FBH1: variants seen among roughly 807,000 people sequenced by gnomAD.
The protein encoded by FBH1 is F-box DNA helicase 1.
Under a neutral mutation model 115.5 loss-of-function variants are expected in FBH1, and 43 were observed. The ratio of observed to expected loss-of-function variants is 0.37; its 90% confidence interval spans 0.29 to 0.48. The LOEUF (loss-of-function observed/expected upper bound fraction) is 0.48. Ranked by LOEUF, FBH1 falls within the 20% of genes least tolerant of loss-of-function variation. The pLI is 0.99. For synonymous variants in FBH1, 524 were observed against 507.8 expected, an observed-to-expected ratio of 1.03 and a Z score of -0.43; for missense variants, 1,001 against 1,337.3, an observed-to-expected ratio of 0.75 and a Z score of 3.92.
At position 5,897,683 on chromosome 10, in the gene FBH1, C is replaced by T. The variant is rs574552407; in HGVS notation, c.2-5337C>T. Among the ~76,000 whole-genome samples the T allele has an allele frequency of 7.9e-5, 12 of 152,276 alleles. No homozygotes were observed. The highest frequency in any genetic ancestry group is 2.6e-4 in the African/African-American group (11 of 41,568). ...AGAGGCCAGATCACCAGTCTAAGCG[C>T]CCCTCCCCCGGTACCGAACCTCAGT... is the stretch of plus-strand genomic sequence containing the variant. On this transcript the variant is annotated intron_variant, in intron 1 of 20. Coordinates refer to ENST00000362091, the MANE Select transcript of FBH1 (RefSeq NM_178150.3). The surrounding 1 kb of genome is among the most constrained non-coding windows in gnomAD (Gnocchi z 4.7).
rs772297439 is a variant in FBH1 at position 5,908,921 on chromosome 10, A to G, written c.754-4A>G. ...GTTATTTTGTTTGTTTTTTAACTGC[A>G]TAGTTCATTCCTTGGAAGAAGCTGT... is the stretch of plus-strand genomic sequence containing the variant. On this transcript the variant is annotated splice_polypyrimidine_tract_variant and splice_region_variant and intron_variant, in intron 3 of 20. Transcript: ENST00000362091. 1.6e-5 allele frequency: 26 copies of G among 1,613,804 alleles called. No homozygotes were observed. The South Asian group carries it at 2.7e-4, about 17-fold the overall frequency.
rs528768665 is a variant in FBH1, at chr10:5,897,873, C to T, written c.2-5147C>T. Among the ~76,000 whole-genome samples, 3 of 150,904 alleles carry T rather than the reference C, an allele frequency of 2.0e-5. No individual in the cohort carries two copies. Among genetic ancestry groups the T allele is most frequent in the East Asian group, 4.0e-4 (2 of 5,020 alleles). On this transcript the variant is annotated intron_variant, in intron 1 of 20. Coordinates refer to ENST00000362091, the MANE Select transcript of FBH1 (RefSeq NM_178150.3). The surrounding 1 kb of genome is among the most constrained non-coding windows in gnomAD (Gnocchi z 4.7). ...TCGCAACAAGCATTTTGGATTCAGA[C>T]GTATTTTCTGAGATAAATACATAAA... is the stretch of plus-strand genomic sequence containing the variant.
rs1228963409 is a variant in FBH1, at chr10:5,913,126, G to A, written c.1212-621G>A. Among the ~76,000 whole-genome samples, 1 of 152,046 alleles carries A rather than the reference G, an allele frequency of 6.6e-6. No individual in the cohort carries two copies. Among genetic ancestry groups the A allele is most frequent in the Admixed American group, 6.6e-5 (1 of 15,236 alleles). On this transcript the variant is annotated intron_variant, in intron 6 of 20. Transcript: ENST00000362091. This position sits in a 1 kb window ranked among gnomAD's most constrained non-coding sequence, Gnocchi z 4.4. ...ACGGCGTGTGCCAGCTGAGTCTGAC[G>A]AGTCTGACGATGTCCTGTGCCTCTG...
rs865854916 is a variant in FBH1 at position 5,917,757 on chromosome 10, C to T, written c.1963+81C>T. 6 of 1,036,924 alleles carry T rather than the reference C, an allele frequency of 5.8e-6. No homozygotes were observed. The Middle Eastern group carries it at 1.4e-3, about 241-fold the overall frequency. 64.2% of individuals were successfully genotyped at this position (1,036,924 alleles called of 1,614,324 possible). On this transcript the variant is annotated intron_variant, in intron 12 of 20. Transcript: ENST00000362091. This position sits in a 1 kb window ranked among gnomAD's most constrained non-coding sequence, Gnocchi z 5.6. ...TTATGTAAGAGGACACCTGTGTGAA[C>T]TAAGTTGATTATTATTATTTGTGAT...
intron 1 of FBH1, chr10:5,894,992 T>C (rs905061262): frequency 2.9e-5 from 46 of 1,566,184 alleles, no homozygotes; most frequent in Non-Finnish European, 3.6e-5. Flanking sequence ...TGAATACTTT[T>C]ATGGTGCTGG....
intron 10 of FBH1, among the ~76,000 whole-genome samples, chr10:5,916,859 C>T (rs746276294): frequency 3.9e-5 from 6 of 152,170 alleles, no homozygotes; most frequent in Admixed American, 1.3e-4. Context: ...GTATTTTCTC[C>T]TGTGAAGGAC....
rs187867943 is a variant in FBH1 at position 5,933,043 on chromosome 10, A to G, written c.2830-3413A>G. 6.6e-6 allele frequency among the ~76,000 whole-genome samples: 1 copy of G among 152,008 alleles called. No homozygotes were observed. Among genetic ancestry groups the G allele is most frequent in the African/African-American group, 2.4e-5 (1 of 41,386 alleles). ...AGTGTGACTTTTCTAGATGTTGCCAATTTTTTCATGGAGATTGTTATCACT... is the reference window on the plus strand; with the variant it reads ...AGTGTGACTTTTCTAGATGTTGCCAGTTTTTTCATGGAGATTGTTATCACT... On this transcript the variant is annotated intron_variant, in intron 19 of 20. Coordinates refer to ENST00000362091, the MANE Select transcript of FBH1 (RefSeq NM_178150.3). The surrounding 1 kb of genome is among the most constrained non-coding windows in gnomAD (Gnocchi z 4.9).
chr10:5,925,515 C>G lies in FBH1; in HGVS notation c.2722+23C>G. ...TTGGTAAGAGGCCGCCGGGTAGTGT[C>G]AGGTGCTGCTGTATGTAGTGAGTGG... On this transcript the variant is annotated intron_variant, in intron 18 of 20. Transcript: ENST00000362091. The surrounding 1 kb of genome is among the most constrained non-coding windows in gnomAD (Gnocchi z 4.6). The G allele has an allele frequency of 6.2e-7, 1 of 1,612,584 alleles. No individual in the cohort carries two copies. The highest frequency in any genetic ancestry group is 1.1e-5 in the South Asian group (1 of 90,934).
Position 5,913,891 on chromosome 10 carries a change from C to A in FBH1, c.1304+52C>A, listed in dbSNP as rs751384411. On this transcript the variant is annotated intron_variant, in intron 7 of 20. Coordinates refer to ENST00000362091, the MANE Select transcript of FBH1 (RefSeq NM_178150.3). This position sits in a 1 kb window ranked among gnomAD's most constrained non-coding sequence, Gnocchi z 4.4. The stretch of plus-strand genomic sequence containing the variant: ...GTTTTGTCTTCTGTCGACTCTTCCT[C>A]ATACTTAAGGAGGGAGATGTTTTGC... 1 of 1,367,490 alleles carries A rather than the reference C, an allele frequency of 7.3e-7. No individual in the cohort carries two copies. Among genetic ancestry groups the A allele is most frequent in the Admixed American group, 2.1e-5 (1 of 48,544 alleles). The allele number at this position is 1,367,490 out of a possible 1,614,324, so 84.7% of individuals were successfully genotyped here.
chr10:5,907,358 G>A (rs1843762655), intron 3 of FBH1, among the ~76,000 whole-genome samples: 1 of 151,632 alleles, frequency 6.6e-6, no homozygotes, highest in Non-Finnish European at 1.5e-5. Context: ...CATTTCATAA[G>A]TTTTGGTATG....
chr10:5,930,737 A>G (rs1179257401), intron 19 of FBH1, among the ~76,000 whole-genome samples: 1 of 152,180 alleles, frequency 6.6e-6, no homozygotes, highest in African/African-American at 2.4e-5. Context: ...GATAATCCCA[A>G]TCCCAGTTTT....
At chr10:5,891,245 T>C (rs1842705929) in intron 1 of FBH1, 1 of 904,238 alleles carries the variant, frequency 1.1e-6, no homozygotes, top group Non-Finnish European at 1.3e-6. Flanking sequence ...TAAGTCCGTT[T>C]TACTCATGAG....
At position 5,910,840 on chromosome 10, in the gene FBH1, T is replaced by A. The variant is rs1259425323; in HGVS notation, c.1021-98T>A. 1 of 1,032,862 alleles carries A rather than the reference T, an allele frequency of 9.7e-7. No homozygotes were observed. Among genetic ancestry groups the A allele is most frequent in the Non-Finnish European group, 1.4e-6 (1 of 715,888 alleles). 64.0% of individuals were successfully genotyped at this position (1,032,862 alleles called of 1,614,324 possible). On this transcript the variant is annotated intron_variant, in intron 5 of 20. Transcript: ENST00000362091. This position sits in a 1 kb window ranked among gnomAD's most constrained non-coding sequence, Gnocchi z 4.8. ...GTCCAGACAGTCTGTAGCCAGCAGC[T>A]GGACCCGTGGCTCGGCTTTCCTGAC...
chr10:5,924,346 T>C lies in FBH1; in HGVS notation c.2434T>C (p.Trp812Arg). The C allele has an allele frequency of 1.9e-6, 3 of 1,614,120 alleles. No homozygotes were observed. Among genetic ancestry groups the C allele is most frequent in the Non-Finnish European group, 2.5e-6 (3 of 1,180,014 alleles). ...LVIKDKFIRRWVHKEGFSGFK... is the reference protein window; with the variant it reads ...LVIKDKFIRRRVHKEGFSGFK... ...CATTAAAGACAAATTTATCAGAAGA[T>C]GGGTGCACAAAGAAGGCTTTAGTGG... Residue 812 changes from tryptophan to arginine, a missense_variant, in exon 17 of 21, where the codon TGG becomes CGG. Trp to Arg is a moderately radical substitution (Grantham distance 101, BLOSUM62 -3). Coordinates refer to ENST00000362091, the MANE Select transcript of FBH1 (RefSeq NM_178150.3). This position sits in a 1 kb window ranked among gnomAD's most constrained non-coding sequence, Gnocchi z 6.2.
At position 5,916,220 on chromosome 10, in the gene FBH1, G is replaced by A; in HGVS notation, c.1566-14G>A. 1 of 1,611,652 alleles carries A rather than the reference G, an allele frequency of 6.2e-7. No individual in the cohort carries two copies. Among genetic ancestry groups the A allele is most frequent in the Non-Finnish European group, 8.5e-7 (1 of 1,177,908 alleles). ...GGAGAGCCACGTGCTGTTCATTTGG[G>A]ATGGGTATTGCAGGTACCAGTCAAA... is the stretch of plus-strand genomic sequence containing the variant. On this transcript the variant is annotated splice_polypyrimidine_tract_variant and intron_variant, in intron 9 of 20. Transcript: ENST00000362091.
intron 2 of FBH1, among the ~76,000 whole-genome samples, chr10:5,904,843 T>TG (rs1843600057): frequency 6.6e-6 from 1 of 152,192 alleles, no homozygotes; most frequent in Non-Finnish European, 1.5e-5. Flanking sequence ...TAATTTTTTT[T>TG]TTAAATTTTA....
rs1042291487 is a variant in FBH1 at position 5,918,276 on chromosome 10, CCTTTT to C, written c.1964-60_1964-56del. ...CTTAGCTTCGTGGAAGTGTTTTTGT[CCTTTT>C]CTTTTTGCTGCCTGGGGTGGAGGCC... On this transcript the variant is annotated intron_variant, in intron 12 of 20. Coordinates refer to ENST00000362091, the MANE Select transcript of FBH1 (RefSeq NM_178150.3). This position sits in a 1 kb window ranked among gnomAD's most constrained non-coding sequence, Gnocchi z 4.0. 2.5e-6 allele frequency: 4 copies of C among 1,582,438 alleles called. No individual in the cohort carries two copies. The African/African-American group carries it at 4.1e-5, about 16-fold the overall frequency.
chr10:5,913,903 G>A lies in FBH1; in HGVS notation c.1304+64G>A. The A allele has an allele frequency of 1.5e-6, 2 of 1,301,774 alleles. No homozygotes were observed. The highest frequency in any genetic ancestry group is 3.0e-5 in the African/African-American group (2 of 67,102). The allele number at this position is 1,301,774 out of a possible 1,614,324, so 80.6% of individuals were successfully genotyped here. Reference sequence around the variant, plus strand: ...GTCGACTCTTCCTCATACTTAAGGAGGGAGATGTTTTGCTTCACTTTAGCA... The same window carrying A: ...GTCGACTCTTCCTCATACTTAAGGAAGGAGATGTTTTGCTTCACTTTAGCA... On this transcript the variant is annotated intron_variant, in intron 7 of 20. Transcript: ENST00000362091. The surrounding 1 kb of genome is among the most constrained non-coding windows in gnomAD (Gnocchi z 4.4).
chr10:5,894,011 G>A, intron 1 of FBH1: 1 of 985,396 alleles, frequency 1.0e-6, no homozygotes, highest in Non-Finnish European at 1.2e-6. Flanking sequence ...GCCCATCCTT[G>A]TTGGCTGTCA....
Sources: gnomAD v4.1 joint callset for allele counts (sites outside exome capture counted in the v4.1 genomes callset) on GRCh38, gnomAD v4.1.1 for gene constraint, Gnocchi (gnomAD v3.1) non-coding constraint, MANE v1.5 for transcripts, NCBI Gene and HGNC (gene_info 2026-07-23, HGNC 2026-07-21) for gene names.